Variants in DENND5A observed in about 807,000 individuals in gnomAD.
DENND5A encodes the protein DENN domain-containing protein 5A.
DENND5A carries 64 observed loss-of-function variants against 140.3 expected under a neutral mutation model. That is an observed-to-expected ratio of 0.46 (90% confidence interval 0.37 to 0.56). The LOEUF is 0.56. Among genes scored for constraint, DENND5A ranks in the 20% least tolerant of loss-of-function variants. The pLI is 0.00. For missense variants in DENND5A, 1,292 were observed against 1,593.8 expected, an observed-to-expected ratio of 0.81 and a Z score of 3.22; for synonymous variants, 605 against 607.7, an observed-to-expected ratio of 1.00 and a Z score of 0.07.
intron 12 of DENND5A, among the ~76,000 whole-genome samples, chr11:9,154,837 A>G (rs1415367973): frequency 3.3e-5 from 5 of 151,976 alleles, no homozygotes; most frequent in African/African-American, 9.6e-5. Context: ...AAAAATTTTA[A>G]TTTAAAAAAC....
At chr11:9,142,939 G>T in intron 20 of DENND5A, 94 bp from the exon 21 acceptor site, 2 of 1,515,964 alleles carry the variant, frequency 1.3e-6, no homozygotes, top group South Asian at 1.3e-5. Context: ...GAGTTGGGAG[G>T]GCTGCAAAAG....
At chr11:9,227,246 A>G (rs1850571026) in intron 1 of DENND5A, among the ~76,000 whole-genome samples, 2 of 152,092 alleles carry the variant, frequency 1.3e-5, no homozygotes, top group South Asian at 2.1e-4. Context: ...TCTCCACTCA[A>G]TCACCATGGG....
intron 4 of DENND5A, among the ~76,000 whole-genome samples, chr11:9,201,394 T>G (rs1449369207): frequency 2.0e-5 from 3 of 150,764 alleles, no homozygotes; most frequent in South Asian, 2.1e-4. Context: ...AAAAAAAAAT[T>G]TTAAGGCTGG....
At chr11:9,162,383 G>A (rs929650512) in intron 11 of DENND5A, among the ~76,000 whole-genome samples, 1 of 151,750 alleles carries the variant, frequency 6.6e-6, no homozygotes, top group Non-Finnish European at 1.5e-5. Flanking sequence ...GGGATTACAG[G>A]CATGCACCAC....
At chr11:9,188,078 T>C (rs148016824) in intron 5 of DENND5A, among the ~76,000 whole-genome samples, 181 of 152,332 alleles carry the variant, frequency 1.2e-3, no homozygotes, top group Middle Eastern at 0.01. Flanking sequence ...CCAAATCTCA[T>C]CTTAAATTCT....
In DENND5A at chr11:9,157,704, G is replaced by T. The variant is rs184532184; in HGVS notation, c.2436+3009C>A. Among the ~76,000 whole-genome samples the T allele has an allele frequency of 4.6e-3, 704 of 152,286 alleles. 1 individual carries two copies. Among genetic ancestry groups the T allele is most frequent in the Middle Eastern group, 6.8e-3 (2 of 294 alleles). On this transcript the variant is annotated intron_variant, in intron 12 of 22. Transcript: ENST00000328194. ...CTGTGTAGTGTTGTATGGTGTGTATGTATCACCTTTTCTTTATCTGGTCTA... is the reference window on the plus strand; with the variant it reads ...CTGTGTAGTGTTGTATGGTGTGTATTTATCACCTTTTCTTTATCTGGTCTA...
chr11:9,217,595 G>A (rs1426050486), intron 1 of DENND5A, among the ~76,000 whole-genome samples: 1 of 152,066 alleles, frequency 6.6e-6, no homozygotes, highest in Non-Finnish European at 1.5e-5. Flanking sequence ...CTGGGATGAG[G>A]GGATACAGAG....
chr11:9,167,818 C>T (rs1279877514), intron 10 of DENND5A, among the ~76,000 whole-genome samples: 1 of 151,982 alleles, frequency 6.6e-6, no homozygotes, highest in Non-Finnish European at 1.5e-5. Flanking sequence ...AAAATAAAAG[C>T]TCTTCTAACA....
intron 3 of DENND5A, among the ~76,000 whole-genome samples, chr11:9,206,212 G>C (rs931768831): frequency 9.9e-5 from 15 of 152,164 alleles, no homozygotes; most frequent in Admixed American, 7.2e-4. Flanking sequence ...TCTTCCACAT[G>C]AGATTTTTAA....
chr11:9,142,221 A>C (rs1196888003), intron 21 of DENND5A, 113 bp from the exon 22 acceptor site: 3 of 774,182 alleles, frequency 3.9e-6, no homozygotes, highest in South Asian at 2.3e-5. Flanking sequence ...CTTAATGAGA[A>C]TAGCACAAGT....
At chr11:9,213,808 C>CAAAAAAAAAAAAAA (rs3074627) in intron 1 of DENND5A, among the ~76,000 whole-genome samples, 20,761 of 68,178 alleles carry the variant, frequency 0.3, 3,302 homozygotes, top group South Asian at 0.44. Context: ...CTCCGTCTCC[C>CAAAAAAAAAAAAAA]AAAAAAAAAA....
chr11:9,248,618 C>A (rs111990537), intron 1 of DENND5A, among the ~76,000 whole-genome samples: 41 of 151,894 alleles, frequency 2.7e-4, no homozygotes, highest in Non-Finnish European at 5.3e-4. Flanking sequence ...TGAGCCCCTG[C>A]ATTCCAGCCT....
chr11:9,212,642 C>A (rs1178727720), intron 1 of DENND5A, among the ~76,000 whole-genome samples: 5 of 150,414 alleles, frequency 3.3e-5, no homozygotes, highest in African/African-American at 4.9e-5. Context: ...GAAAAAAAAA[C>A]ACAAATAAAT....
intron 1 of DENND5A, among the ~76,000 whole-genome samples, chr11:9,241,979 G>A (rs7482630): frequency 0.6 from 87,245 of 145,868 alleles, 26,448 homozygotes; most frequent in African/African-American, 0.71. Flanking sequence ...GCACCATTGC[G>A]CTCCAGCCTG....
Position 9,180,913 on chromosome 11 carries a change from T to G in DENND5A, c.1309A>C (p.Arg437=), listed in dbSNP as rs775182762. 3.1e-6 allele frequency: 5 copies of G among 1,614,194 alleles called. No individual in the cohort carries two copies. The highest frequency in any genetic ancestry group is 4.2e-6 in the Non-Finnish European group (5 of 1,180,038). ...GAGACAAGCTCAGAGGCCCGCAGCC[T>G]CTTCAGCTTGGAGGCACTCTCACTG... ...HCSESASKLK[R]LRASELVSDK... is the part of the protein sequence containing the mutation. The change falls in exon 6 of 23, where the codon AGG becomes CGG. Residue 437 remains arginine, a synonymous_variant. Transcript: ENST00000328194.
At chr11:9,179,974 A>G (rs1288696373) in intron 6 of DENND5A, among the ~76,000 whole-genome samples, 1 of 152,264 alleles carries the variant, frequency 6.6e-6, no homozygotes. Flanking sequence ...ATTGGTTTAT[A>G]AGTAACTTAC....
intron 1 of DENND5A, among the ~76,000 whole-genome samples, chr11:9,227,436 G>A (rs1341789923): frequency 6.6e-6 from 1 of 152,094 alleles, no homozygotes; most frequent in Non-Finnish European, 1.5e-5. Context: ...TGGAACGCAT[G>A]AGCACATTTT....
At chr11:9,226,363 T>G (rs1850529913) in intron 1 of DENND5A, among the ~76,000 whole-genome samples, 1 of 152,202 alleles carries the variant, frequency 6.6e-6, no homozygotes, top group South Asian at 2.1e-4. Flanking sequence ...AGCAATTAAA[T>G]GATCCTGTAT....
chr11:9,212,619 C>A (rs1020125166), intron 1 of DENND5A, among the ~76,000 whole-genome samples: 4 of 151,212 alleles, frequency 2.6e-5, no homozygotes, highest in African/African-American at 7.4e-5. Context: ...AAACATGGAA[C>A]AACACAAGTA....
Sources: allele counts gnomAD v4.1 joint callset (sites outside exome capture counted in the v4.1 genomes callset), GRCh38; gene constraint gnomAD v4.1.1; transcripts MANE v1.5; gene names NCBI Gene and HGNC (gene_info 2026-07-23, HGNC 2026-07-21).